CAST: variants seen among roughly 807,000 people sequenced by gnomAD.
CAST encodes the protein calpastatin.
A neutral mutation model predicts 119.6 loss-of-function variants in CAST; 76 were observed. That is an observed-to-expected ratio of 0.64 (90% CI 0.53 to 0.77). The LOEUF is 0.77. Ranked by LOEUF, CAST falls within the 30% of genes least tolerant of loss-of-function variation. The pLI is 0.00. For synonymous variants in CAST, 319 were observed against 331.6 expected, an observed-to-expected ratio of 0.96 and a Z score of 0.41; for missense variants, 953 against 946.5, an observed-to-expected ratio of 1.01 and a Z score of -0.09.
rs1275042960 is a variant in CAST, at chr5:96,646,077, G to A, written c.61-29462G>A. On this transcript the variant is annotated intron_variant, in intron 1 of 11. Coordinates refer to the CAST transcript ENST00000505143. ...CAAATATATATTAAAACCACAAGGAGGTAATGTTTTTGTCGCATTACATTA... is the reference window on the plus strand; with the variant it reads ...CAAATATATATTAAAACCACAAGGAAGTAATGTTTTTGTCGCATTACATTA... Among the ~76,000 whole-genome samples, 7 of 152,124 alleles carry A rather than the reference G, an allele frequency of 4.6e-5. No individual in the cohort carries two copies. In the South Asian group the frequency reaches 1.0e-3, roughly 23 times the overall value.
the CAST span, among the ~76,000 whole-genome samples, chr5:96,493,990 T>C: frequency 6.6e-6 from 1 of 152,138 alleles, no homozygotes; most frequent in African/African-American, 2.4e-5. Flanking sequence ...AGCAAGATCA[T>C]GCCCCTGCAC....
the CAST span, among the ~76,000 whole-genome samples, chr5:96,231,899 A>G: frequency 2.0e-5 from 3 of 152,096 alleles, no homozygotes; most frequent in Non-Finnish European, 4.4e-5. Flanking sequence ...AGGTTTTGGA[A>G]AATGAAAACT....
chr5:96,271,771 A>G, the CAST span, among the ~76,000 whole-genome samples: 1 of 152,206 alleles, frequency 6.6e-6, no homozygotes, highest in African/African-American at 2.4e-5. Flanking sequence ...AGTTATATGA[A>G]GCTAAAAACT....
the CAST span, among the ~76,000 whole-genome samples, chr5:96,091,244 C>T: frequency 6.6e-6 from 1 of 151,762 alleles, no homozygotes; most frequent in Non-Finnish European, 1.5e-5. Context: ...GCTCTGTCGC[C>T]CAGGCTGGAG....
chr5:96,646,337 C>G (rs1319023072), intron 1 of CAST, among the ~76,000 whole-genome samples: 1 of 152,170 alleles, frequency 6.6e-6, no homozygotes, highest in Non-Finnish European at 1.5e-5. Flanking sequence ...ATTACAGCAT[C>G]GTTTAATAAC....
At chr5:96,572,390 G>A (rs561405017) in intron 1 of CAST, among the ~76,000 whole-genome samples, 7 of 152,160 alleles carry the variant, frequency 4.6e-5, no homozygotes, top group African/African-American at 9.6e-5. Context: ...TGGTAGAGAC[G>A]GGGTTTCGCC....
At chr5:96,420,541 T>A in the CAST span, among the ~76,000 whole-genome samples, 1 of 152,100 alleles carries the variant, frequency 6.6e-6, no homozygotes, top group Non-Finnish European at 1.5e-5. Context: ...AGAAGTCATA[T>A]CCCTGAACTA....
At chr5:96,304,408 A>C in the CAST span, among the ~76,000 whole-genome samples, 1 of 152,078 alleles carries the variant, frequency 6.6e-6, no homozygotes, top group African/African-American at 2.4e-5. Flanking sequence ...TTTCCTGTTC[A>C]CTCTGATGAT....
chr5:96,339,604 C>A, the CAST span, among the ~76,000 whole-genome samples: 1 of 152,186 alleles, frequency 6.6e-6, no homozygotes, highest in Admixed American at 6.5e-5. Context: ...GACAAAGCCC[C>A]AGAGTTTAAG....
At chr5:96,383,290 G>A in the CAST span, among the ~76,000 whole-genome samples, 2 of 152,156 alleles carry the variant, frequency 1.3e-5, no homozygotes, top group South Asian at 2.1e-4. Context: ...CCATGTTCAA[G>A]AACTTGGAAC....
chr5:96,710,386 A>G (rs1479015451), intron 3 of CAST, among the ~76,000 whole-genome samples: 1 of 152,112 alleles, frequency 6.6e-6, no homozygotes, highest in Non-Finnish European at 1.5e-5. Context: ...GTGATTCTCC[A>G]TGTCTGGGAA....
intron 26 of CAST, 35 bp downstream of exon 26, chr5:96,765,360 AAT>A: frequency 1.2e-6 from 1 of 858,146 alleles, no homozygotes; most frequent in Non-Finnish European, 1.7e-6. Flanking sequence ...AAAATTCACT[AAT>A]AGTGAAATTT....
the CAST span, among the ~76,000 whole-genome samples, chr5:95,979,490 A>C: frequency 6.6e-6 from 1 of 152,208 alleles, no homozygotes; most frequent in African/African-American, 2.4e-5. Context: ...AGTATGAACA[A>C]TAAATATGTG....
At chr5:96,086,018 T>G in the CAST span, among the ~76,000 whole-genome samples, 2 of 152,156 alleles carry the variant, frequency 1.3e-5, no homozygotes, top group Non-Finnish European at 2.9e-5. Context: ...CCAAAATCCA[T>G]GAATGCTCAA....
At chr5:96,709,257 A>T (rs909167697) in intron 3 of CAST, among the ~76,000 whole-genome samples, 2 of 152,250 alleles carry the variant, frequency 1.3e-5, no homozygotes, top group African/African-American at 2.4e-5. Context: ...GTGGATGATC[A>T]GTTCTGAGTA....
intron 1 of CAST, among the ~76,000 whole-genome samples, chr5:96,638,458 A>G (rs1250678296): frequency 6.6e-6 from 1 of 152,188 alleles, no homozygotes; most frequent in Non-Finnish European, 1.5e-5. Flanking sequence ...AAGCAATGGC[A>G]TTACTAGGCC....
the CAST span, among the ~76,000 whole-genome samples, chr5:96,034,462 TACACACACAC>T: frequency 2.6e-3 from 261 of 101,836 alleles, 1 homozygote; most frequent in African/African-American, 8.4e-3. Flanking sequence ...GTATATATCA[TACACACACAC>T]ACACACACAC....
chr5:96,583,066 T>G (rs886547621), intron 1 of CAST, among the ~76,000 whole-genome samples: 2 of 152,222 alleles, frequency 1.3e-5, no homozygotes, highest in African/African-American at 4.8e-5. Context: ...AAATCGCTGT[T>G]AGAATGATTA....
At chr5:96,201,557 C>T in the CAST span, among the ~76,000 whole-genome samples, 1 of 152,084 alleles carries the variant, frequency 6.6e-6, no homozygotes, top group Non-Finnish European at 1.5e-5. Flanking sequence ...TTGGTAAATG[C>T]CACAGCTCAG....
Sources: gnomAD v4.1 joint callset for allele counts (sites outside exome capture counted in the v4.1 genomes callset) on GRCh38, gnomAD v4.1.1 for gene constraint, MANE v1.5 for transcripts, NCBI Gene and HGNC (gene_info 2026-07-23, HGNC 2026-07-21) for gene names.